The following NLGN1 variants were observed in gnomAD, a reference collection of about 807,000 sequenced individuals.
NLGN1 encodes neuroligin-1.
Under a neutral mutation model 65.5 loss-of-function variants are expected in NLGN1, and 12 were observed. The ratio of observed to expected loss-of-function variants is 0.18; its 90% CI spans 0.12 to 0.30. The LOEUF (loss-of-function observed/expected upper bound fraction) is 0.30, where lower values mean the gene tolerates loss of function less well. Ranked by LOEUF, NLGN1 falls within the 10% of genes least tolerant of loss-of-function variation. The pLI, the probability that NLGN1 is intolerant of heterozygous loss-of-function variation, is 1.00. For synonymous variants in NLGN1, 350 were observed against 359.5 expected (o/e 0.97, Z 0.30); for missense variants, 750 against 1,007.1 (o/e 0.74, Z 3.46).
rs891665680 is a variant in NLGN1, at chr3:174,273,869, A to G, written c.647-1446A>G. 1.1e-4 allele frequency among the ~76,000 whole-genome samples: 17 copies of G among 151,678 alleles called. 1 individual carries two copies. Among genetic ancestry groups the G allele is most frequent in the African/African-American group, 3.6e-4 (15 of 41,378 alleles). On this transcript the variant is annotated intron_variant, in intron 4 of 6. Transcript: ENST00000457714. Reference sequence around the variant, plus strand: ...TTGTCTTCATCTATTCTTTTCTACAATGATCCTAGAGAATTTCTTATCCAT... The same window carrying G: ...TTGTCTTCATCTATTCTTTTCTACAGTGATCCTAGAGAATTTCTTATCCAT...
intron 3 of NLGN1, among the ~76,000 whole-genome samples, chr3:173,707,316 G>A (rs1435384997): frequency 6.6e-6 from 1 of 152,102 alleles, no homozygotes; most frequent in Admixed American, 6.6e-5. Context: ...CAGAGAATTT[G>A]CCACTTAATT....
chr3:173,704,312 T>A (rs1432308602), intron 3 of NLGN1, among the ~76,000 whole-genome samples: 3 of 152,202 alleles, frequency 2.0e-5, no homozygotes, highest in Non-Finnish European at 1.5e-5. Context: ...AGTTTCGTTG[T>A]TTAAAATGAT....
chr3:173,548,426 GAAACTAGAGTA>G (rs1327870429), intron 2 of NLGN1, among the ~76,000 whole-genome samples: 3 of 151,850 alleles, frequency 2.0e-5, no homozygotes, highest in Non-Finnish European at 4.4e-5. Context: ...AAAGCATGAG[GAAACTAGAGTA>G]AACTGGGAAC....
At chr3:173,828,866 A>G (rs2861597) in intron 4 of NLGN1, among the ~76,000 whole-genome samples, 129,459 of 152,016 alleles carry the variant, frequency 0.85, 56,003 homozygotes, top group African/African-American at 0.94. Flanking sequence ...AGATCAGATA[A>G]ACCATGAGAG....
chr3:174,247,510 T>C (rs1220132340), intron 4 of NLGN1, among the ~76,000 whole-genome samples: 1 of 152,086 alleles, frequency 6.6e-6, no homozygotes, highest in Non-Finnish European at 1.5e-5. Flanking sequence ...CTGCTGTCTC[T>C]CACTCTACCT....
chr3:173,600,514 G>T (rs1008490160), intron 2 of NLGN1, among the ~76,000 whole-genome samples: 1 of 121,912 alleles, frequency 8.2e-6, no homozygotes, highest in African/African-American at 2.7e-5. Context: ...AAGAAATTTA[G>T]CAGGGAGGAG....
At chr3:174,255,557 T>C (rs1745560545) in intron 4 of NLGN1, among the ~76,000 whole-genome samples, 1 of 151,526 alleles carries the variant, frequency 6.6e-6, no homozygotes, top group Non-Finnish European at 1.5e-5. Flanking sequence ...AAGACTAGAA[T>C]ATTTTGATCA....
downstream of NLGN1, among the ~76,000 whole-genome samples, chr3:174,289,957 A>ATATATATATGTATATATATATGTG (rs1340096614): frequency 0.36 from 15,043 of 41,416 alleles, 1,319 homozygotes; most frequent in East Asian, 0.56. Flanking sequence ...ATATATGTGT[A>ATATATATATGTATATATATATGTG]TATATATATA....
intron 4 of NLGN1, among the ~76,000 whole-genome samples, chr3:174,242,729 G>A (rs1463286882): frequency 1.3e-5 from 2 of 152,198 alleles, no homozygotes; most frequent in East Asian, 1.9e-4. Flanking sequence ...TAATTATTAT[G>A]TATTACAATG....
At chr3:174,040,004 G>A (rs73880320) in intron 4 of NLGN1, among the ~76,000 whole-genome samples, 2,386 of 152,216 alleles carry the variant, frequency 0.016, 62 homozygotes, top group African/African-American at 0.054. Context: ...CCTTGAAAAT[G>A]ATCTTTGTGA....
intron 4 of NLGN1, among the ~76,000 whole-genome samples, chr3:173,862,218 G>T (rs954361581): frequency 2.0e-5 from 3 of 151,790 alleles, no homozygotes; most frequent in African/African-American, 7.3e-5. Context: ...ATGGAAAGAG[G>T]ACTACAATAT....
At chr3:173,484,912 G>A (rs770522550) in intron 2 of NLGN1, among the ~76,000 whole-genome samples, 3 of 152,002 alleles carry the variant, frequency 2.0e-5, no homozygotes, top group Non-Finnish European at 4.4e-5. Context: ...TACTGAACTA[G>A]ATGTTCTGCA....
At chr3:173,761,415 G>T (rs145650363) in intron 3 of NLGN1, among the ~76,000 whole-genome samples, 51 of 152,152 alleles carry the variant, frequency 3.4e-4, no homozygotes, top group African/African-American at 1.1e-3. Flanking sequence ...TGGACATGGA[G>T]TCGATGGGTA....
chr3:173,795,220 T>C (rs1023078124), intron 3 of NLGN1, among the ~76,000 whole-genome samples: 9 of 152,148 alleles, frequency 5.9e-5, no homozygotes, highest in Non-Finnish European at 4.4e-5. Flanking sequence ...TGCACTGATA[T>C]GGATTCTTTT....
chr3:173,448,287 G>C (rs1046372204), intron 2 of NLGN1, among the ~76,000 whole-genome samples: 1 of 152,204 alleles, frequency 6.6e-6, no homozygotes, highest in Admixed American at 6.5e-5. Context: ...GTTGAATTTT[G>C]TCAAAGGCCT....
chr3:173,852,324 C>G (rs1271206273), intron 4 of NLGN1, among the ~76,000 whole-genome samples: 1 of 124,434 alleles, frequency 8.0e-6, no homozygotes, highest in Non-Finnish European at 1.6e-5. Flanking sequence ...CCACTGCACT[C>G]CAGCCTGGGC....
At chr3:173,608,809 G>A (rs992205979) in intron 3 of NLGN1, among the ~76,000 whole-genome samples, 14 of 151,604 alleles carry the variant, frequency 9.2e-5, no homozygotes, top group Middle Eastern at 3.4e-3. Flanking sequence ...TCTATCAGTT[G>A]ACCGTATTTT....
intron 4 of NLGN1, among the ~76,000 whole-genome samples, chr3:173,891,534 C>T (rs1215348554): frequency 2.6e-5 from 4 of 152,106 alleles, no homozygotes; most frequent in Non-Finnish European, 5.9e-5. Context: ...CTAGTTTGGC[C>T]TTTATTCCTT....
chr3:173,514,474 G>A (rs1031978062), intron 2 of NLGN1, among the ~76,000 whole-genome samples: 3 of 152,026 alleles, frequency 2.0e-5, no homozygotes, highest in Non-Finnish European at 2.9e-5. Context: ...TTGTGAGTGA[G>A]AATTTATTTA....
Sources: gnomAD v4.1 joint callset for allele counts (sites outside exome capture counted in the v4.1 genomes callset) on GRCh38, gnomAD v4.1.1 for gene constraint, MANE v1.5 for transcripts, NCBI Gene and HGNC (gene_info 2026-07-23, HGNC 2026-07-21) for gene names.